Variants in SGK3 observed in about 807,000 individuals in gnomAD.
SGK3 encodes serine/threonine-protein kinase Sgk3.
Under a neutral mutation model 68.5 loss-of-function variants are expected in SGK3, and 47 were observed. The observed-to-expected ratio is 0.69, with a 90% CI of 0.54 to 0.87. The LOEUF is 0.87. SGK3 is among the 40% of genes least tolerant of loss of function. The pLI is 0.00. For synonymous variants in SGK3, 181 were observed against 189.1 expected (o/e 0.96, Z 0.35); for missense variants, 479 against 575.5 (o/e 0.83, Z 1.72).
At chr8:66,832,793 T>TA (rs1197635472) in intron 8 of SGK3, among the ~76,000 whole-genome samples, 1 of 152,108 alleles carries the variant, frequency 6.6e-6, no homozygotes, top group African/African-American at 2.4e-5. Context: ...TCTAGAGTCT[T>TA]ATCAGGATTT....
At chr8:66,857,744 C>G (rs1346454433) in intron 16 of SGK3, among the ~76,000 whole-genome samples, 1 of 151,758 alleles carries the variant, frequency 6.6e-6, no homozygotes, top group Non-Finnish European at 1.5e-5. Context: ...GATTGTGCCA[C>G]TGCATTCCAG....
At chr8:66,789,489 T>C (rs1441137416) in intron 1 of SGK3, among the ~76,000 whole-genome samples, 1 of 152,202 alleles carries the variant, frequency 6.6e-6, no homozygotes. Context: ...TATATCTGTT[T>C]CCACTATAAT....
chr8:66,750,586 G>A (rs972170936), intron 1 of SGK3, among the ~76,000 whole-genome samples: 4 of 152,026 alleles, frequency 2.6e-5, no homozygotes, highest in Admixed American at 2.0e-4. Context: ...TACTCGGGAG[G>A]CTAAGGCAAT....
intron 1 of SGK3, among the ~76,000 whole-genome samples, chr8:66,724,571 G>A (rs1014934952): frequency 1.3e-5 from 2 of 152,000 alleles, no homozygotes; most frequent in African/African-American, 4.8e-5. Context: ...GCAATACTCT[G>A]TCTCAAGAAA....
intron 14 of SGK3, 84 bp from the exon 15 acceptor site, chr8:66,847,109 C>A: frequency 6.5e-7 from 1 of 1,537,108 alleles, no homozygotes; most frequent in Non-Finnish European, 8.7e-7. Context: ...CAACTGACTG[C>A]TCCCTCAAGA....
intron 1 of SGK3, chr8:66,737,256 T>C (rs1297098486): frequency 6.6e-6 from 1 of 152,110 alleles, no homozygotes; most frequent in Non-Finnish European, 1.5e-5. Flanking sequence ...TGGTGGTTTA[T>C]GCCTATAATC....
At chr8:66,736,529 C>T (rs1013794378) in intron 1 of SGK3, among the ~76,000 whole-genome samples, 2 of 151,946 alleles carry the variant, frequency 1.3e-5, no homozygotes, top group African/African-American at 2.4e-5. Flanking sequence ...GCCATCATAG[C>T]CCACTGCAGC....
At chr8:66,753,908 G>A (rs748254007) in intron 1 of SGK3, among the ~76,000 whole-genome samples, 12 of 152,116 alleles carry the variant, frequency 7.9e-5, no homozygotes, top group African/African-American at 1.4e-4. Flanking sequence ...TCCAATCCAC[G>A]TTCTCCTAGA....
At chr8:66,833,897 G>T (rs1809402602) in intron 8 of SGK3, among the ~76,000 whole-genome samples, 1 of 151,794 alleles carries the variant, frequency 6.6e-6, no homozygotes, top group Admixed American at 6.6e-5. Context: ...TTCCATGTTG[G>T]TCAGGCTGGT....
At position 66,840,051 on chromosome 8, in the gene SGK3, A is replaced by G. The variant is rs1323181667; in HGVS notation, c.790A>G (p.Arg264Gly). ...RERSFPEHRA[R>G]FYAAEIASAL... ...ACGGTCCTTTCCTGAGCACAGAGCT[A>G]GGTTTTACGCTGCTGAAATTGCTAG... is the stretch of plus-strand genomic sequence containing the variant. Residue 264 changes from arginine (R) to glycine (G), a missense_variant, in exon 11 of 17, where the codon AGG (arginine) becomes GGG (glycine). Physicochemically the swap from Arg to Gly is moderately radical, Grantham distance 125. Around this residue, in one of 3 missense-constraint regions of SGK3, gnomAD observed 298 missense variants for 329.4 expected, o/e 0.90. Coordinates refer to ENST00000521198, the MANE Select transcript of SGK3 (RefSeq NM_001033578.3). 6 of 1,613,978 alleles carry G rather than the reference A, an allele frequency of 3.7e-6. No homozygotes were observed. The highest frequency in any genetic ancestry group is 4.2e-6 in the Non-Finnish European group (5 of 1,179,982).
intron 5 of SGK3, among the ~76,000 whole-genome samples, chr8:66,814,981 T>G (rs894664318): frequency 6.6e-6 from 1 of 152,228 alleles, no homozygotes; most frequent in African/African-American, 2.4e-5. Flanking sequence ...AGAGCTTTTC[T>G]GCAGCTCACC....
chr8:66,767,813 C>G lies in SGK3; in HGVS notation c.-121-25803C>G, dbSNP rs763744871. On this transcript the variant is annotated intron_variant, in intron 1 of 16. Coordinates refer to ENST00000521198, the MANE Select transcript of SGK3 (RefSeq NM_001033578.3). ...TTTTCTGTAGCTCTGTTGACAGTTC[C>G]CAAAGCCTTTCTGGTAGCTTTAGGT... The G allele has an allele frequency of 5.2e-6, 8 of 1,543,904 alleles. No homozygotes were observed. In the South Asian group the frequency reaches 6.7e-5, roughly 13 times the overall value.
chr8:66,730,221 C>T (rs879875451), intron 1 of SGK3, among the ~76,000 whole-genome samples: 2 of 152,088 alleles, frequency 1.3e-5, no homozygotes, highest in Non-Finnish European at 2.9e-5. Context: ...TGATGTTGAG[C>T]ATGTTTTCAG....
intron 1 of SGK3, among the ~76,000 whole-genome samples, chr8:66,759,649 T>TTTG (rs1806095390): frequency 5.9e-5 from 9 of 151,492 alleles, no homozygotes; most frequent in African/African-American, 2.2e-4. Context: ...CCAGGATGGT[T>TTTG]TTTGTTTGTT....
intron 8 of SGK3, among the ~76,000 whole-genome samples, chr8:66,832,990 A>G (rs1250555204): frequency 6.7e-6 from 1 of 149,386 alleles, no homozygotes; most frequent in African/African-American, 2.5e-5. Context: ...ACCTTCACAG[A>G]TCTGTTTTTA....
At chr8:66,843,380 T>C in intron 13 of SGK3, 72 bp from the exon 14 acceptor site, 1 of 1,468,674 alleles carries the variant, frequency 6.8e-7, no homozygotes, top group Non-Finnish European at 9.2e-7. Flanking sequence ...ATTTGTTAAA[T>C]TTCTCAATTA....
At chr8:66,744,167 T>A (rs1346752108) in intron 1 of SGK3, among the ~76,000 whole-genome samples, 1 of 152,128 alleles carries the variant, frequency 6.6e-6, no homozygotes, top group East Asian at 1.9e-4. Context: ...CCCTTCACAA[T>A]TGACCGATAG....
chr8:66,738,653 A>T (rs1280925542), intron 1 of SGK3, among the ~76,000 whole-genome samples: 1 of 149,996 alleles, frequency 6.7e-6, no homozygotes, highest in African/African-American at 2.5e-5. Context: ...TTTGAGACGG[A>T]GTCTTGCTCT....
At chr8:66,723,965 A>G (rs935795433) in intron 1 of SGK3, among the ~76,000 whole-genome samples, 31 of 152,280 alleles carry the variant, frequency 2.0e-4, no homozygotes, top group African/African-American at 7.2e-4. Flanking sequence ...CCAATGTTTT[A>G]GCAGAGAAAA....
Sources: gnomAD v4.1 joint callset for allele counts (sites outside exome capture counted in the v4.1 genomes callset) on GRCh38, gnomAD v4.1.1 for gene constraint, gnomAD v4.1.1 regional missense constraint, MANE v1.5 for transcripts, NCBI Gene and HGNC (gene_info 2026-07-23, HGNC 2026-07-21) for gene names.